The following NOD2 variants were observed in gnomAD, a reference collection of about 807,000 sequenced individuals.
NOD2 encodes the protein nucleotide binding oligomerization domain containing 2.
A neutral mutation model predicts 90.9 loss-of-function variants in NOD2; 86 were observed. The observed-to-expected ratio is 0.95, with a 90% CI of 0.79 to 1.13. The LOEUF (loss-of-function observed/expected upper bound fraction) is 1.13, where lower values mean the gene tolerates loss of function less well. Among genes scored for constraint, NOD2 ranks in the 50% most tolerant of loss-of-function variants. The pLI, the probability that NOD2 is intolerant of heterozygous loss-of-function variation, is 0.00. For missense variants in NOD2, 1,238 were observed against 1,283.8 expected, an observed-to-expected ratio of 0.96 and a Z score of 0.55; for synonymous variants, 581 against 554.6, an observed-to-expected ratio of 1.05 and a Z score of -0.67.
chr16:50,728,546 A>T (rs1349687686), intron 10 of NOD2: 1 of 159,038 alleles, frequency 6.3e-6, no homozygotes, highest in East Asian at 1.8e-4. Flanking sequence ...GCATAACCAC[A>T]TTTATTTAAG....
In NOD2 at chr16:50,720,000, G is replaced by A; in HGVS notation, c.2625G>A (p.Gln875=). ...AEGLRGNTSL[Q]FLGFWGNRVG... ...GGCTCCGAGGCAACACCTCCTTGCAGTTCCTGGGGTAGGTTGGATTCCAGG... is the reference window on the plus strand; with the variant it reads ...GGCTCCGAGGCAACACCTCCTTGCAATTCCTGGGGTAGGTTGGATTCCAGG... The change falls in exon 7 of 12, where the codon CAG becomes CAA. Residue 875 remains glutamine (Q), a synonymous_variant. Transcript: ENST00000647318. 1 of 1,614,142 alleles carries A rather than the reference G, an allele frequency of 6.2e-7. No homozygotes were observed. The highest frequency in any genetic ancestry group is 1.3e-5 in the African/African-American group (1 of 75,042).
At chr16:50,706,697 T>C (rs1054987523) in intron 2 of NOD2, among the ~76,000 whole-genome samples, 1 of 148,550 alleles carries the variant, frequency 6.7e-6, no homozygotes, top group Admixed American at 6.6e-5. Flanking sequence ...GCTATTTCTT[T>C]CTTTTTTTTT....
intron 1 of NOD2, chr16:50,697,213 C>T (rs751258340): frequency 1.3e-6 from 2 of 1,546,008 alleles, no homozygotes; most frequent in Non-Finnish European, 1.8e-6. Context: ...CCGCAGATGC[C>T]ATGCCTGCTC....
Position 50,723,319 on chromosome 16 carries a change from T to C in NOD2, c.2736T>C (p.Ile912=), listed in dbSNP as rs104895454. The C allele has an allele frequency of 5.9e-5, 95 of 1,613,714 alleles. No homozygotes were observed. The highest frequency in any genetic ancestry group is 7.6e-5 in the Non-Finnish European group (90 of 1,179,880). The change falls in exon 9 of 12, where the codon ATT becomes ATC. Residue 912 remains isoleucine (I), a synonymous_variant. Coordinates refer to ENST00000647318, the MANE Select transcript of NOD2 (RefSeq NM_001370466.1). The part of the protein sequence containing the change: ...LRWLSLVGNN[I]GSVGAQALAL... ...CCTCCAGCCTGGTGGGGAACAACATTGGCAGTGTGGGTGCCCAAGCCTTGG... is the reference window on the plus strand; with the variant it reads ...CCTCCAGCCTGGTGGGGAACAACATCGGCAGTGTGGGTGCCCAAGCCTTGG...
Position 50,710,802 on chromosome 16 carries a change from G to C in NOD2, c.810G>C (p.Val270=). Residue 270 remains valine (V), a synonymous_variant, in exon 4 of 12, where the codon GTG becomes GTC. Coordinates refer to ENST00000647318, the MANE Select transcript of NOD2 (RefSeq NM_001370466.1). ...HLNDDADTVL[V]VGEAGSGKST... The stretch of plus-strand genomic sequence containing the variant: ...ATGACGATGCGGACACTGTGCTGGT[G>C]GTGGGTGAGGCGGGCAGTGGCAAGA... 6.2e-7 allele frequency: 1 copy of C among 1,614,128 alleles called. No homozygotes were observed.
Position 50,698,909 on chromosome 16 carries a change from ATCTC to A in NOD2, c.-8-565_-8-562del, listed in dbSNP as rs950494372. On this transcript the variant is annotated intron_variant, in intron 1 of 11. Coordinates refer to ENST00000647318, the MANE Select transcript of NOD2 (RefSeq NM_001370466.1). ...AATGAATTCCCTGATTGTTTGGAAG[ATCTC>A]TCTCTCTCTCTCTGTCTTTTTTTTT... 4.1e-5 allele frequency among the ~76,000 whole-genome samples: 6 copies of A among 147,714 alleles called. No homozygotes were observed. In the South Asian group the frequency reaches 6.4e-4, roughly 16 times the overall value.
chr16:50,721,609 C>T (rs1486840707), intron 7 of NOD2, among the ~76,000 whole-genome samples: 1 of 152,084 alleles, frequency 6.6e-6, no homozygotes, highest in Non-Finnish European at 1.5e-5. Flanking sequence ...CTTCCTACCT[C>T]GGCCTCCTGA....
At position 50,719,920 on chromosome 16, in the gene NOD2, T is replaced by C. The variant is rs104895450; in HGVS notation, c.2550-5T>C. ...TCTCTCAGCCTCCTCTGTCTTCCCT[T>C]CCAGGCTGGGGAATAACTACATCAC... On this transcript the variant is annotated splice_polypyrimidine_tract_variant and splice_region_variant and intron_variant, in intron 6 of 11. Transcript: ENST00000647318. 6.2e-7 allele frequency: 1 copy of C among 1,613,996 alleles called. No homozygotes were observed. Among genetic ancestry groups the C allele is most frequent in the South Asian group, 1.1e-5 (1 of 91,080 alleles).
Position 50,712,083 on chromosome 16 carries a change from A to C in NOD2, c.2091A>C (p.Pro697=). ...SLRKHFHSIP[P]AAPGEAKSVH... is the part of the protein sequence containing the mutation. ...GCAAGCACTTCCACTCCATCCCGCC[A>C]GCTGCACCGGGTGAGGCCAAGAGCG... Residue 697 remains proline, a synonymous_variant, in exon 4 of 12, where the codon CCA becomes CCC. Transcript: ENST00000647318. 1 of 1,613,766 alleles carries C rather than the reference A, an allele frequency of 6.2e-7. No individual in the cohort carries two copies. Among genetic ancestry groups the C allele is most frequent in the Non-Finnish European group, 8.5e-7 (1 of 1,179,976 alleles).
intron 10 of NOD2, chr16:50,727,568 T>C: frequency 3.5e-6 from 1 of 286,330 alleles, no homozygotes; most frequent in Non-Finnish European, 6.9e-6. Flanking sequence ...ATCCTCCTGG[T>C]TGTGGAAGCA....
chr16:50,710,124 G>A (rs1039209947), intron 3 of NOD2: 9 of 424,224 alleles, frequency 2.1e-5, no homozygotes, highest in African/African-American at 1.0e-4. Flanking sequence ...AAAGCCACCC[G>A]GCCACTATGG....
At position 50,710,718 on chromosome 16, in the gene NOD2, G is replaced by C. The variant is rs369766454; in HGVS notation, c.726G>C (p.Pro242=). 2.5e-6 allele frequency: 4 copies of C among 1,613,648 alleles called. No individual in the cohort carries two copies. In the Admixed American group the frequency reaches 6.7e-5, roughly 27 times the overall value. ...VWADVGMAGP[P]QKSPATLGLE... Reference sequence around the variant, plus strand: ...CAGATGTGGGCATGGCTGGACCCCCGCAGAAGAGCCCAGCCACCCTGGGCC... The same window carrying C: ...CAGATGTGGGCATGGCTGGACCCCCCCAGAAGAGCCCAGCCACCCTGGGCC... The change falls in exon 4 of 12, where the codon CCG becomes CCC. Residue 242 remains proline, a synonymous_variant. Transcript: ENST00000647318.
chr16:50,705,209 AT>A (rs1567385290), intron 2 of NOD2, among the ~76,000 whole-genome samples: 1 of 152,036 alleles, frequency 6.6e-6, no homozygotes, highest in Non-Finnish European at 1.5e-5. Flanking sequence ...GGTTTGACTG[AT>A]TCTTTTTTGT....
At chr16:50,729,998 G>A in intron 11 of NOD2, 97 bp downstream of exon 11, 1 of 790,486 alleles carries the variant, frequency 1.3e-6, no homozygotes, top group Middle Eastern at 3.3e-4. Flanking sequence ...GAATTTTGAG[G>A]ATCCCTTCTG....
intron 2 of NOD2, among the ~76,000 whole-genome samples, chr16:50,704,540 T>TC (rs1047676089): frequency 6.6e-6 from 1 of 151,866 alleles, no homozygotes; most frequent in African/African-American, 2.4e-5. Context: ...ACCTTTTTTT[T>TC]TTTTTCTTTT....
chr16:50,697,131 TG>T (rs1271164694), intron 1 of NOD2: 1 of 929,814 alleles, frequency 1.1e-6, no homozygotes, highest in Non-Finnish European at 1.7e-6. Context: ...CCCTTGAAGG[TG>T]GGGTTGGTAG....
rs775443143 is a variant in NOD2 at position 50,711,022 on chromosome 16, C to G, written c.1030C>G (p.Pro344Ala). Residue 344 changes from proline to alanine, a missense_variant, in exon 4 of 12, where the codon CCT (proline) becomes GCT (alanine). Transcript: ENST00000647318. ...EDIFQLLLDH[P>A]DRVLLTFDGF... ...CATCTTCCAGTTACTCCTTGACCAC[C>G]CTGACCGTGTCCTGTTAACCTTTGA... 2.7e-5 allele frequency: 44 copies of G among 1,614,120 alleles called. No homozygotes were observed. Among genetic ancestry groups the G allele is most frequent in the Non-Finnish European group, 3.6e-5 (43 of 1,180,052 alleles).
intron 8 of NOD2, 48 bp from the exon 9 acceptor site, chr16:50,723,253 G>C: frequency 1.3e-6 from 2 of 1,564,852 alleles, no homozygotes; most frequent in Non-Finnish European, 1.8e-6. Context: ...GCTCATCTCT[G>C]AGGTCTTTCC....
Position 50,716,892 on chromosome 16 carries a change from C to G in NOD2, c.2467C>G (p.Leu823Val). Residue 823 changes from leucine (L) to valine (V), a missense_variant and splice_region_variant, in exon 6 of 12, where the codon CTA (leucine) becomes GTA (valine). Around this residue, in one of 3 missense-constraint regions of NOD2, gnomAD observed 667 missense variants for 688.7 expected, o/e 0.97. Coordinates refer to ENST00000647318, the MANE Select transcript of NOD2 (RefSeq NM_001370466.1). ...LHCEQLQKLA[L>V]FNNKLTDGCA... ...CTCCTCTCTTCTGGAACTGAACAGT[C>G]TATTCAACAACAAATTGACTGACGG... 6.2e-7 allele frequency: 1 copy of G among 1,614,024 alleles called. No homozygotes were observed. The highest frequency in any genetic ancestry group is 8.5e-7 in the Non-Finnish European group (1 of 1,179,842).
Sources: allele counts gnomAD v4.1 joint callset (sites outside exome capture counted in the v4.1 genomes callset), GRCh38; gene constraint gnomAD v4.1.1; regional missense constraint gnomAD v4.1.1; transcripts MANE v1.5; gene names NCBI Gene and HGNC (gene_info 2026-07-23, HGNC 2026-07-21).